Variants in CA10 observed in about 807,000 individuals in gnomAD.
CA10 encodes carbonic anhydrase-related protein 10.
A neutral mutation model predicts 44.2 loss-of-function variants in CA10; 14 were observed. The ratio of observed to expected loss-of-function variants is 0.32; its 90% CI spans 0.21 to 0.50. CA10 has a LOEUF of 0.50. Ranked by LOEUF, CA10 falls within the 20% of genes least tolerant of loss-of-function variation. CA10 has a pLI of 0.99. For missense variants in CA10, 350 were observed against 409.7 expected (o/e 0.85, Z 1.26); for synonymous variants, 159 against 141.6 (o/e 1.12, Z -0.87).
At chr17:51,747,279 G>A (rs530152956) in intron 4 of CA10, among the ~76,000 whole-genome samples, 1 of 152,220 alleles carries the variant, frequency 6.6e-6, no homozygotes, top group Non-Finnish European at 1.5e-5. Flanking sequence ...TGTGACACGT[G>A]AGAGGCTGAT....
intron 6 of CA10, among the ~76,000 whole-genome samples, chr17:51,637,794 C>G (rs889337839): frequency 6.6e-6 from 1 of 152,182 alleles, no homozygotes; most frequent in Non-Finnish European, 1.5e-5. Context: ...AATTAGAACT[C>G]AGCTCTTCCG....
intron 3 of CA10, among the ~76,000 whole-genome samples, chr17:51,909,704 T>C (rs1035805937): frequency 6.6e-6 from 1 of 152,124 alleles, no homozygotes; most frequent in Non-Finnish European, 1.5e-5. Context: ...TTTTATAATT[T>C]AGTTTCCCAG....
intron 2 of CA10, among the ~76,000 whole-genome samples, chr17:52,014,884 G>A (rs1985919624): frequency 6.6e-6 from 1 of 152,022 alleles, no homozygotes; most frequent in Non-Finnish European, 1.5e-5. Context: ...GCAAAATCTT[G>A]CAATTAATTG....
At chr17:51,689,836 T>C (rs1329648888) in intron 4 of CA10, among the ~76,000 whole-genome samples, 1 of 152,236 alleles carries the variant, frequency 6.6e-6, no homozygotes, top group Non-Finnish European at 1.5e-5. Flanking sequence ...TTGTGTGCAA[T>C]GTGATAATGT....
intron 2 of CA10, among the ~76,000 whole-genome samples, chr17:51,948,840 AATTGCTGAT>A (rs1983378853): frequency 6.6e-6 from 1 of 152,106 alleles, no homozygotes; most frequent in South Asian, 2.1e-4. Flanking sequence ...ATGTTTGCTA[AATTGCTGAT>A]ATTATATATT....
At chr17:51,891,512 A>G (rs539876651) in intron 3 of CA10, among the ~76,000 whole-genome samples, 2 of 152,320 alleles carry the variant, frequency 1.3e-5, no homozygotes, top group Admixed American at 1.3e-4. Context: ...AAAGTCTGGA[A>G]AGAAGGTTGA....
intron 3 of CA10, among the ~76,000 whole-genome samples, chr17:51,769,303 G>A (rs1461064267): frequency 1.3e-5 from 2 of 152,148 alleles, no homozygotes; most frequent in Admixed American, 1.3e-4. Context: ...ATCACAAGGT[G>A]CCAGGCAGTG....
intron 8 of CA10, 102 bp downstream of exon 8, chr17:51,633,374 C>T: frequency 1.7e-6 from 2 of 1,144,358 alleles, no homozygotes; most frequent in Non-Finnish European, 2.5e-6. Flanking sequence ...TTACAGTCAT[C>T]ATTCCTATAA....
chr17:51,972,749 T>C (rs1315780048), intron 2 of CA10, among the ~76,000 whole-genome samples: 1 of 151,266 alleles, frequency 6.6e-6, no homozygotes, highest in African/African-American at 2.4e-5. Flanking sequence ...AAGATTAAAT[T>C]AGTAAGTAAA....
intron 4 of CA10, among the ~76,000 whole-genome samples, chr17:51,733,178 C>T (rs556563195): frequency 6.6e-6 from 1 of 152,200 alleles, no homozygotes; most frequent in Non-Finnish European, 1.5e-5. Flanking sequence ...CAGTTCCTGG[C>T]TTAGTTATAT....
intron 2 of CA10, among the ~76,000 whole-genome samples, chr17:51,989,467 A>T (rs975777171): frequency 2.0e-5 from 3 of 151,956 alleles, no homozygotes; most frequent in African/African-American, 7.2e-5. Context: ...GCCTCAAAGG[A>T]ATATAAATTA....
At chr17:52,096,711 C>G (rs1435440520) in intron 1 of CA10, among the ~76,000 whole-genome samples, 1 of 152,154 alleles carries the variant, frequency 6.6e-6, no homozygotes, top group Non-Finnish European at 1.5e-5. Flanking sequence ...GGTTGAAGTT[C>G]TACTCTGTAT....
intron 4 of CA10, among the ~76,000 whole-genome samples, chr17:51,739,113 T>C (rs879552655): frequency 6.6e-6 from 1 of 152,146 alleles, no homozygotes; most frequent in African/African-American, 2.4e-5. Flanking sequence ...TGACCTTTCG[T>C]GGAACCTCTA....
intron 3 of CA10, among the ~76,000 whole-genome samples, chr17:51,924,353 C>T (rs186530331): frequency 6.6e-6 from 1 of 152,248 alleles, no homozygotes. Context: ...ATGCAAATGT[C>T]TGTGGAAAGG....
At chr17:51,974,187 C>A (rs1984377316) in intron 2 of CA10, among the ~76,000 whole-genome samples, 1 of 151,798 alleles carries the variant, frequency 6.6e-6, no homozygotes, top group Non-Finnish European at 1.5e-5. Flanking sequence ...AGATCGAGAC[C>A]ATCCTGGCCA....
At chr17:52,005,112 G>A (rs1185648629) in intron 2 of CA10, among the ~76,000 whole-genome samples, 4 of 151,866 alleles carry the variant, frequency 2.6e-5, no homozygotes, top group Non-Finnish European at 4.4e-5. Flanking sequence ...ATCTCAAGTT[G>A]TGAATACCTC....
rs183873802 is a variant in CA10, at chr17:51,695,675, G to T, written c.466-41939C>A. ...TTTTATTTCTTTTTCTTGCCAGATT[G>T]CTCTGGCAAGGACTTCCAGTACTGT... On this transcript the variant is annotated intron_variant, in intron 4 of 8. Coordinates refer to ENST00000451037, the MANE Select transcript of CA10 (RefSeq NM_020178.5). 3.5e-3 allele frequency among the ~76,000 whole-genome samples: 532 copies of T among 152,122 alleles called. 2 individuals carry two copies. The highest frequency in any genetic ancestry group is 0.012 in the African/African-American group (499 of 41,506).
At chr17:51,934,957 G>A (rs2144003419) in intron 2 of CA10, among the ~76,000 whole-genome samples, 1 of 152,234 alleles carries the variant, frequency 6.6e-6, no homozygotes, top group African/African-American at 2.4e-5. Flanking sequence ...TCCATGAAGT[G>A]CCTGTGCCTA....
At chr17:51,958,768 C>G (rs1208666298) in intron 2 of CA10, among the ~76,000 whole-genome samples, 1 of 151,956 alleles carries the variant, frequency 6.6e-6, no homozygotes, top group Non-Finnish European at 1.5e-5. Flanking sequence ...GCAAACAAAA[C>G]AAACAGATAA....
Sources: gnomAD v4.1 joint callset for allele counts (sites outside exome capture counted in the v4.1 genomes callset) on GRCh38, gnomAD v4.1.1 for gene constraint, MANE v1.5 for transcripts, NCBI Gene and HGNC (gene_info 2026-07-23, HGNC 2026-07-21) for gene names.